The following CACNA1S variants were observed in gnomAD, a reference collection of about 807,000 sequenced individuals.
CACNA1S encodes the protein calcium voltage-gated channel subunit alpha1 S, also known as voltage-dependent L-type calcium channel subunit alpha-1S.
Under a neutral mutation model 207.4 loss-of-function variants are expected in CACNA1S, and 126 were observed. The observed-to-expected ratio is 0.61, with a 90% CI of 0.53 to 0.70. The LOEUF is 0.70. Ranked by LOEUF, CACNA1S falls within the 30% of genes least tolerant of loss-of-function variation. The pLI is 0.00. For missense variants in CACNA1S, 2,349 were observed against 2,422.8 expected (o/e 0.97, Z 0.64); for synonymous variants, 960 against 932.7 (o/e 1.03, Z -0.53).
In CACNA1S at chr1:201,055,820, C is replaced by T. The variant is rs1660820026; in HGVS notation, c.3610-1259G>A. On this transcript the variant is annotated intron_variant, in intron 28 of 43. Coordinates refer to ENST00000362061, the MANE Select transcript of CACNA1S (RefSeq NM_000069.3). Reference sequence around the variant, plus strand: ...AAAATCAAATAAAAACCAGTGACACCCTCCTGGCCTCCACCACCAAAGACA... The same window carrying T: ...AAAATCAAATAAAAACCAGTGACACTCTCCTGGCCTCCACCACCAAAGACA... 3.3e-5 allele frequency among the ~76,000 whole-genome samples: 5 copies of T among 152,238 alleles called. No homozygotes were observed. The South Asian group carries it at 1.0e-3, about 32-fold the overall frequency.
In CACNA1S at chr1:201,092,669, A is replaced by G. The variant is rs78312846; in HGVS notation, c.399-555T>C. 4.9e-3 allele frequency among the ~76,000 whole-genome samples: 747 copies of G among 152,308 alleles called. 6 individuals are homozygous for G. Among genetic ancestry groups the G allele is most frequent in the African/African-American group, 0.017 (707 of 41,574 alleles). On this transcript the variant is annotated intron_variant, in intron 3 of 43. Transcript: ENST00000362061. ...CTAACGGCAGAACTCCCTGGGACACATTGCGTATGAAACAACAATGCGCTG... is the reference window on the plus strand; with the variant it reads ...CTAACGGCAGAACTCCCTGGGACACGTTGCGTATGAAACAACAATGCGCTG...
chr1:201,056,215 G>A (rs142446456), intron 28 of CACNA1S, among the ~76,000 whole-genome samples: 1 of 152,302 alleles, frequency 6.6e-6, no homozygotes, highest in East Asian at 1.9e-4. Flanking sequence ...GGGTGAACAG[G>A]GTTCCCACCC....
In CACNA1S at chr1:201,074,502, T is replaced by A. The variant is rs753213243; in HGVS notation, c.2063+4A>T. 4.6e-5 allele frequency: 73 copies of A among 1,592,138 alleles called. 2 individuals carry two copies. In the South Asian group the frequency reaches 7.9e-4, roughly 17 times the overall value. ...AGGTCCCTTCCTGCTAAGGAAGCAC[T>A]CACTTGGACATCTTCCTGCGTTTTT... is the stretch of plus-strand genomic sequence containing the variant. On this transcript the variant is annotated splice_donor_region_variant and intron_variant, in intron 14 of 43. Transcript: ENST00000362061.
rs752722907 is a variant in CACNA1S, at chr1:201,052,552, C to T, written c.3953+5G>A. 1.7e-5 allele frequency: 28 copies of T among 1,610,464 alleles called. 1 individual carries two copies. The Admixed American group carries it at 2.8e-4, about 16-fold the overall frequency. ...GTAGGGGTGGGGGTGGCGGGAGACG[C>T]GTGCCTGAAGAGCAGTAGCACAGCT... On this transcript the variant is annotated splice_donor_5th_base_variant and intron_variant, in intron 32 of 43. Coordinates refer to ENST00000362061, the MANE Select transcript of CACNA1S (RefSeq NM_000069.3).
chr1:201,061,949 C>T lies in CACNA1S; in HGVS notation c.3048G>A (p.Trp1016Ter), dbSNP rs772411860. The T allele has an allele frequency of 6.2e-7, 1 of 1,614,186 alleles. No homozygotes were observed. Among genetic ancestry groups the T allele is most frequent in the Non-Finnish European group, 8.5e-7 (1 of 1,180,030 alleles). ...AGGCCCCAGCCATCACTCACTGAGG[C>T]CATCCCTCGAAGGTGGAGACCGTGA... ...SLFTVSTFEG[W>*]PQLLYKAIDS... Residue 1016 changes from tryptophan to a stop codon, truncating the protein, a stop_gained, in exon 24 of 44, where the codon TGG (tryptophan) becomes TGA (stop). Transcript: ENST00000362061. LOFTEE classifies it high-confidence loss of function.
At position 201,111,972 on chromosome 1, in the gene CACNA1S, C is replaced by G. The variant is rs538663929; in HGVS notation, c.152+216G>C. 2.1e-5 allele frequency among the ~76,000 whole-genome samples: 3 copies of G among 144,382 alleles called. No homozygotes were observed. In the East Asian group the frequency reaches 7.0e-4, roughly 34 times the overall value. 94.7% of individuals were successfully genotyped at this position (144,382 alleles called of 152,430 possible). A position where few individuals can be genotyped will look rare whatever the true frequency, so the allele number is the denominator to read the frequency against. On this transcript the variant is annotated intron_variant, in intron 1 of 43. Coordinates refer to ENST00000362061, the MANE Select transcript of CACNA1S (RefSeq NM_000069.3). Reference sequence around the variant, plus strand: ...CCACCCTCCTCCTCTTCCTCCTCCTCCCCCACCCTCCTCGTCTTCCTCCTC... The same window carrying G: ...CCACCCTCCTCCTCTTCCTCCTCCTGCCCCACCCTCCTCGTCTTCCTCCTC...
intron 10 of CACNA1S, among the ~76,000 whole-genome samples, chr1:201,082,123 G>A (rs1661862456): frequency 6.7e-6 from 1 of 148,422 alleles, no homozygotes; most frequent in Non-Finnish European, 1.5e-5. Context: ...CCACCTTCCA[G>A]GTTCAAGCGA....
chr1:201,085,539 G>A lies in CACNA1S; in HGVS notation c.1047C>T (p.Thr349=), dbSNP rs542505383. 1.9e-5 allele frequency: 30 copies of A among 1,613,568 alleles called. No homozygotes were observed. In the Middle Eastern group the frequency reaches 2.1e-3, roughly 115 times the overall value. ...KEREKAKSRG[T]FQKLREKQQL... is the part of the protein sequence containing the mutation. ...GCTGCTTCTCCCGGAGCTTCTGGAA[G>A]GTTCCCCTGGACTTGGCCTTCTCCC... The change falls in exon 8 of 44, where the codon ACC becomes ACT. Residue 349 remains threonine, a synonymous_variant. Coordinates refer to ENST00000362061, the MANE Select transcript of CACNA1S (RefSeq NM_000069.3).
In CACNA1S at chr1:201,075,476, C is replaced by A. The variant is rs886038222; in HGVS notation, c.1948+19G>T. ...CCCCTCCCTAAGCTCTTTTCTGCAC[C>A]CTGCTCCCGAGAGGATACAGTTGCC... On this transcript the variant is annotated intron_variant, in intron 13 of 43. Transcript: ENST00000362061. The A allele has an allele frequency of 6.2e-7, 1 of 1,613,402 alleles. No individual in the cohort carries two copies. Among genetic ancestry groups the A allele is most frequent in the East Asian group, 2.2e-5 (1 of 44,840 alleles).
At chr1:201,056,433 G>A (rs1162557148) in intron 28 of CACNA1S, among the ~76,000 whole-genome samples, 3 of 152,180 alleles carry the variant, frequency 2.0e-5, no homozygotes, top group Non-Finnish European at 4.4e-5. Context: ...CCACAGGCTG[G>A]CACAGCCTAA....
chr1:201,048,485 C>T (rs1660545024), intron 36 of CACNA1S, 97 bp downstream of exon 36: 3 of 1,078,616 alleles, frequency 2.8e-6, no homozygotes, highest in South Asian at 2.6e-5. Flanking sequence ...TCCCACAGTT[C>T]TTAAGAGCAA....
At chr1:201,047,429 G>T in intron 37 of CACNA1S, 96 bp downstream of exon 37, 1 of 1,270,730 alleles carries the variant, frequency 7.9e-7, no homozygotes, top group Non-Finnish European at 1.1e-6. Flanking sequence ...TGGAGGATCT[G>T]GTCCGTTCTC....
chr1:201,065,372 A>G (rs1379903045), intron 22 of CACNA1S, among the ~76,000 whole-genome samples: 6 of 152,230 alleles, frequency 3.9e-5, no homozygotes, highest in Non-Finnish European at 7.3e-5. Flanking sequence ...GTCTCTTAAA[A>G]GTTTGATTTA....
At chr1:201,042,260 G>A (rs1490758310) in intron 40 of CACNA1S, among the ~76,000 whole-genome samples, 5 of 152,108 alleles carry the variant, frequency 3.3e-5, no homozygotes, top group Admixed American at 6.5e-5. Flanking sequence ...TCAGCCTCCC[G>A]AGTAGCTGAG....
Position 201,041,588 on chromosome 1 carries a change from C to T in CACNA1S, c.5050G>A (p.Val1684Ile). 6.2e-7 allele frequency: 1 copy of T among 1,612,274 alleles called. No homozygotes were observed. The highest frequency in any genetic ancestry group is 8.5e-7 in the Non-Finnish European group (1 of 1,178,298). The stretch of plus-strand genomic sequence containing the variant: ...TCTGGGAACTCCCTTTCATAGTGGA[C>T]ACTGAAATGGAAGCAAGGCTGGGTG... ...NHSNSHVFSS[V>I]HYEREFPEET... The change falls in exon 41 of 44, where the codon GTC becomes ATC. Residue 1684 changes from valine to isoleucine, a missense_variant and splice_region_variant. By Grantham distance (29) the Val-to-Ile change is conservative. Coordinates refer to ENST00000362061, the MANE Select transcript of CACNA1S (RefSeq NM_000069.3).
At chr1:201,047,007 C>T in intron 38 of CACNA1S, 108 bp downstream of exon 38, 3 of 1,441,962 alleles carry the variant, frequency 2.1e-6, no homozygotes, top group Admixed American at 3.4e-5. Flanking sequence ...CTTCCTTTTT[C>T]CCTCTATGTC....
Position 201,063,980 on chromosome 1 carries a change from C to G in CACNA1S, c.2854-1466G>C, listed in dbSNP as rs890602592. 6.4e-4 allele frequency among the ~76,000 whole-genome samples: 98 copies of G among 152,298 alleles called. 1 individual carries two copies. The highest frequency in any genetic ancestry group is 2.5e-4 in the Non-Finnish European group (17 of 68,022). ...AAGCGACATCAAATGCCAACTGGAACTGTTATGCTTCTAGAACCTCCTGGA... is the reference window on the plus strand; with the variant it reads ...AAGCGACATCAAATGCCAACTGGAAGTGTTATGCTTCTAGAACCTCCTGGA... On this transcript the variant is annotated intron_variant, in intron 22 of 43. Coordinates refer to ENST00000362061, the MANE Select transcript of CACNA1S (RefSeq NM_000069.3).
intron 15 of CACNA1S, 150 bp from the exon 16 acceptor site, chr1:201,072,974 A>G (rs1392284381): frequency 1.3e-6 from 1 of 763,158 alleles, no homozygotes; most frequent in Non-Finnish European, 2.3e-6. Flanking sequence ...TCCCCATTTT[A>G]CAAATGAGAG....
In CACNA1S at chr1:201,065,904, C is replaced by T. The variant is rs1458222704; in HGVS notation, c.2787G>A (p.Gly929=). Residue 929 remains glycine (G), a synonymous_variant, in exon 22 of 44, where the codon GGG becomes GGA. Transcript: ENST00000362061. The part of the protein sequence containing the change: ...QCMFVAISTI[G]NIVLVTTLLQ... ...GGAGGGTAGTGACCAGCACGATGTT[C>T]CCGATGGTGCTGATGGCCACGAACA... The T allele has an allele frequency of 6.2e-7, 1 of 1,614,062 alleles. No homozygotes were observed.
Sources: gnomAD v4.1 joint callset for allele counts (sites outside exome capture counted in the v4.1 genomes callset) on GRCh38, gnomAD v4.1.1 for gene constraint, MANE v1.5 for transcripts, NCBI Gene and HGNC (gene_info 2026-07-23, HGNC 2026-07-21) for gene names.